RABGEF1: variants seen among roughly 807,000 people sequenced by gnomAD.
The protein encoded by RABGEF1 is rab5 GDP/GTP exchange factor.
Under a neutral mutation model 57.3 loss-of-function variants are expected in RABGEF1, and 26 were observed. The observed-to-expected ratio is 0.45, with a 90% confidence interval of 0.33 to 0.63. The LOEUF is 0.63. RABGEF1 is among the 20% of genes least tolerant of loss of function. RABGEF1 has a pLI of 0.02. For synonymous variants in RABGEF1, 185 were observed against 210.7 expected, an observed-to-expected ratio of 0.88 and a Z score of 1.06; for missense variants, 464 against 607.6, an observed-to-expected ratio of 0.76 and a Z score of 2.48.
intron 2 of RABGEF1, among the ~76,000 whole-genome samples, chr7:66,724,092 G>A (rs1450606297): frequency 2.7e-5 from 4 of 148,246 alleles, no homozygotes; most frequent in African/African-American, 9.9e-5. Flanking sequence ...TTTTTTTTTT[G>A]TCTTCGTTTG....
At chr7:66,785,041 A>G (rs1290450072) in intron 4 of RABGEF1, among the ~76,000 whole-genome samples, 5 of 152,220 alleles carry the variant, frequency 3.3e-5, no homozygotes, top group African/African-American at 1.2e-4. Flanking sequence ...ACTGTAGTAC[A>G]TATAGCATGT....
chr7:66,771,925 G>A lies in RABGEF1; in HGVS notation c.26G>A (p.Gly9Glu). The change falls in exon 2 of 9, where the codon GGA (glycine) becomes GAA (glutamate). Residue 9 changes from glycine (G) to glutamate (E), a missense_variant. Gly to Glu is a moderately conservative substitution (Grantham distance 98). This residue lies in a region of RABGEF1 where 17 missense variants were observed against 19.4 expected (regional missense o/e 0.88). Transcript: ENST00000284957. The part of the protein sequence containing the change: MSLKSERR[G>E]IHVDQSDLLC... ...ATGAGCCTTAAGTCTGAACGCCGAG[G>A]AATTCATGTGGATCAATCGGATCTC... The A allele has an allele frequency of 6.4e-7, 1 of 1,560,596 alleles. No individual in the cohort carries two copies. Among genetic ancestry groups the A allele is most frequent in the Non-Finnish European group, 8.7e-7 (1 of 1,152,942 alleles).
upstream of RABGEF1, among the ~76,000 whole-genome samples, chr7:66,739,015 A>G (rs552270694): frequency 1.8e-4 from 28 of 152,078 alleles, 1 homozygote; most frequent in South Asian, 5.6e-3. Flanking sequence ...CAATGGCGCA[A>G]TCTCAGCTCA....
the RABGEF1 span, among the ~76,000 whole-genome samples, chr7:66,673,534 C>A: frequency 2.7e-5 from 4 of 150,890 alleles, no homozygotes; most frequent in East Asian, 5.8e-4. Context: ...ATAGCACACA[C>A]CCCCAATGTC....
chr7:66,725,839 C>G (rs556067096), intron 2 of RABGEF1, among the ~76,000 whole-genome samples: 1 of 152,196 alleles, frequency 6.6e-6, no homozygotes, highest in Non-Finnish European at 1.5e-5. Context: ...GAGTTACACC[C>G]ATGCTTTGGA....
intron 5 of RABGEF1, 85 bp from the exon 6 acceptor site, chr7:66,797,289 G>T (rs1252645454): frequency 3.7e-6 from 5 of 1,363,064 alleles, no homozygotes; most frequent in Non-Finnish European, 4.9e-6. Flanking sequence ...GGGCGACAGA[G>T]CCAGACTCTT....
In RABGEF1 at chr7:66,811,023, C is replaced by G. The variant is rs111823104; in HGVS notation, c.*1739C>G. Reference sequence around the variant, plus strand: ...CAGTGAGAATCTTCTTATAGAATAACCTGGGCCCAAGTGATTTTAGTACAA... The same window carrying G: ...CAGTGAGAATCTTCTTATAGAATAAGCTGGGCCCAAGTGATTTTAGTACAA... On this transcript the variant is annotated 3_prime_UTR_variant, in exon 9 of 9. Transcript: ENST00000284957. 6.6e-6 allele frequency: 1 copy of G among 152,314 alleles called. No individual in the cohort carries two copies. The highest frequency in any genetic ancestry group is 2.4e-5 in the African/African-American group (1 of 41,578). The allele number at this position is 152,314 out of a possible 1,614,324, so 9.4% of individuals were successfully genotyped here. A position where few individuals can be genotyped will look rare whatever the true frequency, so the allele number is the denominator to read the frequency against.
At chr7:66,730,448 G>A (rs1276577740) in intron 2 of RABGEF1, among the ~76,000 whole-genome samples, 4 of 152,116 alleles carry the variant, frequency 2.6e-5, no homozygotes, top group Non-Finnish European at 5.9e-5. Context: ...CTAGAGTGCA[G>A]TGTTGCAATC....
intron 1 of RABGEF1, among the ~76,000 whole-genome samples, chr7:66,707,687 C>T (rs373703029): frequency 3.2e-4 from 49 of 152,246 alleles, no homozygotes; most frequent in African/African-American, 1.1e-3. Flanking sequence ...GACTCCATCT[C>T]AACAACAACA....
At chr7:66,783,349 C>G (rs1196536057) in intron 3 of RABGEF1, among the ~76,000 whole-genome samples, 1 of 152,126 alleles carries the variant, frequency 6.6e-6, no homozygotes, top group Non-Finnish European at 1.5e-5. Flanking sequence ...TTTGAGAAGC[C>G]TAGTGGTGCC....
At chr7:66,695,128 A>G (rs1029281446) in intron 1 of RABGEF1, among the ~76,000 whole-genome samples, 13 of 152,152 alleles carry the variant, frequency 8.5e-5, no homozygotes, top group African/African-American at 3.1e-4. Context: ...CCTGGCCAAC[A>G]TGGTGAAACC....
intron 1 of RABGEF1, among the ~76,000 whole-genome samples, chr7:66,743,589 C>T (rs1463874897): frequency 2.0e-5 from 3 of 152,120 alleles, no homozygotes; most frequent in Non-Finnish European, 4.4e-5. Flanking sequence ...GCAAGCTCCC[C>T]CTCCTGGGTT....
chr7:66,796,258 G>A (rs1785895700), intron 5 of RABGEF1, among the ~76,000 whole-genome samples: 3 of 152,102 alleles, frequency 2.0e-5, no homozygotes, highest in African/African-American at 7.2e-5. Flanking sequence ...AGAGCTTCAA[G>A]TTTTTAGGGA....
rs572075452 is a variant in RABGEF1 at position 66,683,759 on chromosome 7, G to C, written c.-873+1501G>C. 1.7e-4 allele frequency among the ~76,000 whole-genome samples: 22 copies of C among 129,366 alleles called. No homozygotes were observed. In the South Asian group the frequency reaches 1.7e-3, roughly 10 times the overall value. The allele number at this position is 129,366 out of a possible 152,430, so 84.9% of individuals were successfully genotyped here. A position where few individuals can be genotyped will look rare whatever the true frequency, so the allele number is the denominator to read the frequency against. ...ATTTATTTATTTATTTATTTATTGAGAGAGAGGGTCTCACTTTGTCACCCA... is the reference window on the plus strand; with the variant it reads ...ATTTATTTATTTATTTATTTATTGACAGAGAGGGTCTCACTTTGTCACCCA... On this transcript the variant is annotated intron_variant and NMD_transcript_variant, in intron 1 of 9. Coordinates refer to the RABGEF1 transcript ENST00000607882.
chr7:66,751,109 C>A (rs534914390), intron 1 of RABGEF1, among the ~76,000 whole-genome samples: 1 of 151,120 alleles, frequency 6.6e-6, no homozygotes, highest in Non-Finnish European at 1.5e-5. Flanking sequence ...TGGCTCACTG[C>A]AACCTCCACC....
At chr7:66,762,579 A>G (rs1804698820) in intron 1 of RABGEF1, among the ~76,000 whole-genome samples, 1 of 151,560 alleles carries the variant, frequency 6.6e-6, no homozygotes, top group Non-Finnish European at 1.5e-5. Context: ...ACAGGGTGAG[A>G]CCCTGTCTCA....
intron 2 of RABGEF1, among the ~76,000 whole-genome samples, chr7:66,724,898 A>G (rs117625221): frequency 6.6e-6 from 1 of 152,058 alleles, no homozygotes; most frequent in Non-Finnish European, 1.5e-5. Context: ...AGGTTCATTG[A>G]TCTTGTCTTT....
chr7:66,695,303 C>T (rs1792151069), intron 1 of RABGEF1, among the ~76,000 whole-genome samples: 1 of 151,756 alleles, frequency 6.6e-6, no homozygotes, highest in Admixed American at 6.6e-5. Flanking sequence ...CAGAGCGAGA[C>T]CCTGTCTCAA....
intron 1 of RABGEF1, among the ~76,000 whole-genome samples, chr7:66,696,685 G>A (rs536839841): frequency 0.02 from 2,543 of 124,626 alleles, 39 homozygotes; most frequent in Non-Finnish European, 0.028. Flanking sequence ...GCGAGACTCC[G>A]TCTCAAAAAA....
Sources: gnomAD v4.1 joint callset for allele counts (sites outside exome capture counted in the v4.1 genomes callset) on GRCh38, gnomAD v4.1.1 for gene constraint, gnomAD v4.1.1 regional missense constraint, MANE v1.5 for transcripts, NCBI Gene and HGNC (gene_info 2026-07-23, HGNC 2026-07-21) for gene names.